CUEDC2: variants seen among roughly 807,000 people sequenced by gnomAD.
CUEDC2 encodes the protein CUE domain-containing protein 2.
CUEDC2 carries 10 observed loss-of-function variants against 36.0 expected under a neutral mutation model. The observed-to-expected ratio is 0.28, with a 90% CI of 0.17 to 0.47. The LOEUF is 0.47. Among genes scored for constraint, CUEDC2 ranks in the 20% least tolerant of loss-of-function variants. The pLI is 0.99. For synonymous variants in CUEDC2, 133 were observed against 141.8 expected, an observed-to-expected ratio of 0.94 and a Z score of 0.44; for missense variants, 269 against 368.1, an observed-to-expected ratio of 0.73 and a Z score of 2.20.
chr10:102,425,517 A>C (rs1177791197), intron 1 of CUEDC2, among the ~76,000 whole-genome samples: 1 of 140,480 alleles, frequency 7.1e-6, no homozygotes, highest in African/African-American at 2.6e-5. Flanking sequence ...TTGGGGTCAC[A>C]TGCCTCCTGG....
At chr10:102,425,421 G>GCCCCCCCACCTCTCCCCA (rs1218885642) in intron 1 of CUEDC2, among the ~76,000 whole-genome samples, 1 of 142,026 alleles carries the variant, frequency 7.0e-6, no homozygotes, top group Non-Finnish European at 1.5e-5. Context: ...TAGAGGAGGC[G>GCCCCCCCACCTCTCCCCA]CCCCCCCACC....
rs772932744 is a variant in CUEDC2 at position 102,424,430 on chromosome 10, G to A, written c.281-36C>T. On this transcript the variant is annotated intron_variant, in intron 4 of 8. Transcript: ENST00000369937. The surrounding 1 kb of genome is among the most constrained non-coding windows in gnomAD (Gnocchi z 4.2). The stretch of plus-strand genomic sequence containing the variant: ...CAAAGAGAGCATCAGGTTTGCCAAG[G>A]CTCTGGGGAGCAGGCAGTTGGGGGA... 1.7e-5 allele frequency: 27 copies of A among 1,613,978 alleles called. No individual in the cohort carries two copies. The highest frequency in any genetic ancestry group is 1.8e-5 in the Non-Finnish European group (21 of 1,179,970).
At position 102,424,017 on chromosome 10, in the gene CUEDC2, T is replaced by C. The variant is rs746573861; in HGVS notation, c.573A>G (p.Ala191=). 1 of 1,614,022 alleles carries C rather than the reference T, an allele frequency of 6.2e-7. No individual in the cohort carries two copies. Among genetic ancestry groups the C allele is most frequent in the Non-Finnish European group, 8.5e-7 (1 of 1,179,958 alleles). The change falls in exon 6 of 9, where the codon GCA becomes GCG. Residue 191 remains alanine, a synonymous_variant. Coordinates refer to ENST00000369937, the MANE Select transcript of CUEDC2 (RefSeq NM_024040.3). This position sits in a 1 kb window ranked among gnomAD's most constrained non-coding sequence, Gnocchi z 4.2. The part of the protein sequence containing the change: ...MLVEGKEEGP[A]AWEGPNQDLP... ...ATACCTGGTTGGGGCCCTCCCAGGC[T>C]GCAGGCCCCTCTTCCTTTCCCTCTA...
chr10:102,430,495 C>A (rs972630894), intron 1 of CUEDC2, among the ~76,000 whole-genome samples: 9 of 152,190 alleles, frequency 5.9e-5, no homozygotes, highest in Non-Finnish European at 8.8e-5. Context: ...AGGGAAGAAG[C>A]TTCTCAGGGA....
intron 1 of CUEDC2, among the ~76,000 whole-genome samples, chr10:102,428,454 G>A (rs1293809851): frequency 2.6e-5 from 4 of 152,208 alleles, no homozygotes; most frequent in African/African-American, 7.2e-5. Context: ...ATGTCAACAA[G>A]TATGTATTGA....
rs1589906367 is a variant in CUEDC2, at chr10:102,423,949, T to C, written c.594+47A>G. The stretch of plus-strand genomic sequence containing the variant: ...TAGGGGTTGGGGCTTAACACCAAGG[T>C]GGAATGTAGCTGAGGCTACATGGTA... On this transcript the variant is annotated intron_variant, in intron 6 of 8. Transcript: ENST00000369937. This position sits in a 1 kb window ranked among gnomAD's most constrained non-coding sequence, Gnocchi z 5.6. 1 of 1,605,362 alleles carries C rather than the reference T, an allele frequency of 6.2e-7. No homozygotes were observed. The highest frequency in any genetic ancestry group is 8.5e-7 in the Non-Finnish European group (1 of 1,175,574).
In CUEDC2 at chr10:102,424,832, G is replaced by A; in HGVS notation, c.75-40C>T. On this transcript the variant is annotated intron_variant, in intron 2 of 8. Transcript: ENST00000369937. The surrounding 1 kb of genome is among the most constrained non-coding windows in gnomAD (Gnocchi z 4.2). The stretch of plus-strand genomic sequence containing the variant: ...CAGGACAAGCCCTGGGTAGGACACT[G>A]GATGCCTCCAGCACCCCCACCTATC... 1 of 1,602,304 alleles carries A rather than the reference G, an allele frequency of 6.2e-7. No individual in the cohort carries two copies. Among genetic ancestry groups the A allele is most frequent in the South Asian group, 1.1e-5 (1 of 90,328 alleles).
In CUEDC2 at chr10:102,425,147, A is replaced by G; in HGVS notation, c.42T>C (p.Phe14=). The change falls in exon 2 of 9, where the codon TTT becomes TTC. Residue 14 remains phenylalanine (F), a synonymous_variant. Transcript: ENST00000369937. ...CGGCCTCCGGGAGGTGTGTCTGGAC[A>G]AAGGCAAGGAGGGCTGCACTGACGA... The part of the protein sequence containing the change: ...ERIVSAALLA[F]VQTHLPEADL... The G allele has an allele frequency of 6.2e-7, 1 of 1,613,902 alleles. No homozygotes were observed. Among genetic ancestry groups the G allele is most frequent in the Non-Finnish European group, 8.5e-7 (1 of 1,179,952 alleles).
In CUEDC2 at chr10:102,424,425, C is replaced by A. The variant is rs771696590; in HGVS notation, c.281-31G>T. ...AGAGGCAAAGAGAGCATCAGGTTTG[C>A]CAAGGCTCTGGGGAGCAGGCAGTTG... On this transcript the variant is annotated intron_variant, in intron 4 of 8. Transcript: ENST00000369937. The surrounding 1 kb of genome is among the most constrained non-coding windows in gnomAD (Gnocchi z 4.2). 8.6e-5 allele frequency: 139 copies of A among 1,613,446 alleles called. No individual in the cohort carries two copies. The East Asian group carries it at 2.1e-3, about 25-fold the overall frequency.
At chr10:102,426,952 C>G (rs537841479) in intron 1 of CUEDC2, among the ~76,000 whole-genome samples, 82 of 151,982 alleles carry the variant, frequency 5.4e-4, no homozygotes, top group Non-Finnish European at 1.0e-3. Flanking sequence ...CATGAGTCAC[C>G]GTGCCCGGCC....
chr10:102,431,889 C>T (rs982337387), intron 1 of CUEDC2, among the ~76,000 whole-genome samples: 1 of 152,170 alleles, frequency 6.6e-6, no homozygotes, highest in Non-Finnish European at 1.5e-5. Flanking sequence ...GTAAGAAGTA[C>T]TATGCTGCTC....
intron 1 of CUEDC2, among the ~76,000 whole-genome samples, chr10:102,430,298 T>A (rs1266591913): frequency 6.6e-6 from 1 of 151,596 alleles, no homozygotes; most frequent in Non-Finnish European, 1.5e-5. Context: ...CCCTCCTGAG[T>A]AGCTGGGATT....
At chr10:102,428,922 T>C (rs1459522516) in intron 1 of CUEDC2, among the ~76,000 whole-genome samples, 2 of 150,224 alleles carry the variant, frequency 1.3e-5, no homozygotes, top group Non-Finnish European at 2.9e-5. Context: ...CTCAGGAGGC[T>C]GAGGCAGGAG....
At position 102,423,380 on chromosome 10, in the gene CUEDC2, T is replaced by C; in HGVS notation, c.*46A>G. The C allele has an allele frequency of 6.2e-7, 1 of 1,612,872 alleles. No homozygotes were observed. Among genetic ancestry groups the C allele is most frequent in the Non-Finnish European group, 8.5e-7 (1 of 1,179,228 alleles). On this transcript the variant is annotated 3_prime_UTR_variant, in exon 9 of 9. Coordinates refer to ENST00000369937, the MANE Select transcript of CUEDC2 (RefSeq NM_024040.3). This position sits in a 1 kb window ranked among gnomAD's most constrained non-coding sequence, Gnocchi z 5.6. ...TAGGGGTATAGGGCTCCTGCATCCCTCTGGGATCTGAGCCTAGAAGGCTCG... is the reference window on the plus strand; with the variant it reads ...TAGGGGTATAGGGCTCCTGCATCCCCCTGGGATCTGAGCCTAGAAGGCTCG...
Position 102,424,943 on chromosome 10 carries a change from C to A in CUEDC2, c.75-151G>T. The A allele has an allele frequency of 9.8e-7, 1 of 1,018,096 alleles. No homozygotes were observed. The highest frequency in any genetic ancestry group is 2.6e-5 in the East Asian group (1 of 38,430). 63.1% of individuals were successfully genotyped at this position (1,018,096 alleles called of 1,614,324 possible). On this transcript the variant is annotated intron_variant, in intron 2 of 8. Coordinates refer to ENST00000369937, the MANE Select transcript of CUEDC2 (RefSeq NM_024040.3). This position sits in a 1 kb window ranked among gnomAD's most constrained non-coding sequence, Gnocchi z 4.2. Reference sequence around the variant, plus strand: ...GAGAGTATAACCCCCTCCCTCAGAGCTATGGTTTCCCATCTGCCCAACAAA... The same window carrying A: ...GAGAGTATAACCCCCTCCCTCAGAGATATGGTTTCCCATCTGCCCAACAAA...
chr10:102,429,109 G>C (rs761917378), intron 1 of CUEDC2, among the ~76,000 whole-genome samples: 1 of 151,666 alleles, frequency 6.6e-6, no homozygotes, highest in Non-Finnish European at 1.5e-5. Flanking sequence ...CCCTGACCTA[G>C]AACTCATTTG....
rs774191179 is a variant in CUEDC2 at position 102,424,700 on chromosome 10, G to C, written c.167C>G (p.Ala56Gly). ...GPSEENFDME[A>G]FTEMMEAYVP... is the part of the protein sequence containing the mutation. ...ATAGGCCTCCATCATCTCAGTGAAA[G>C]CCTCCATATCGAAGTTCTCCTCTGA... Residue 56 changes from alanine to glycine, a missense_variant, in exon 3 of 9, where the codon GCT becomes GGT. Transcript: ENST00000369937. The surrounding 1 kb of genome is among the most constrained non-coding windows in gnomAD (Gnocchi z 4.2). 1.2e-6 allele frequency: 2 copies of C among 1,614,194 alleles called. No individual in the cohort carries two copies. Among genetic ancestry groups the C allele is most frequent in the Non-Finnish European group, 1.7e-6 (2 of 1,180,018 alleles).
At position 102,423,991 on chromosome 10, in the gene CUEDC2, G is replaced by C. The variant is rs2061585362; in HGVS notation, c.594+5C>G. On this transcript the variant is annotated splice_donor_5th_base_variant and intron_variant, in intron 6 of 8. Transcript: ENST00000369937. This position sits in a 1 kb window ranked among gnomAD's most constrained non-coding sequence, Gnocchi z 5.6. ...TACATGGTAGAGGGTGCTGGGAAAAGATACCTGGTTGGGGCCCTCCCAGGC... is the reference window on the plus strand; with the variant it reads ...TACATGGTAGAGGGTGCTGGGAAAACATACCTGGTTGGGGCCCTCCCAGGC... 1.2e-6 allele frequency: 2 copies of C among 1,613,344 alleles called. No individual in the cohort carries two copies. Among genetic ancestry groups the C allele is most frequent in the Admixed American group, 1.7e-5 (1 of 59,934 alleles).
chr10:102,431,935 G>C (rs1468819678), intron 1 of CUEDC2, among the ~76,000 whole-genome samples: 1 of 152,140 alleles, frequency 6.6e-6, no homozygotes, highest in Non-Finnish European at 1.5e-5. Context: ...TGGAGGGAGA[G>C]CAGGCCATGT....
Sources: gnomAD v4.1 joint callset for allele counts (sites outside exome capture counted in the v4.1 genomes callset) on GRCh38, gnomAD v4.1.1 for gene constraint, Gnocchi (gnomAD v3.1) non-coding constraint, MANE v1.5 for transcripts, NCBI Gene and HGNC (gene_info 2026-07-23, HGNC 2026-07-21) for gene names.